Variants in TMEM117 observed in about 807,000 individuals in gnomAD.
The protein encoded by TMEM117 is transmembrane protein 117.
A neutral mutation model predicts 52.4 loss-of-function variants in TMEM117; 27 were observed. That is an observed-to-expected ratio of 0.51 (90% CI 0.38 to 0.71). TMEM117 has a LOEUF of 0.71. Ranked by LOEUF, TMEM117 falls within the 30% of genes least tolerant of loss-of-function variation. TMEM117 has a pLI of 0.00. For missense variants in TMEM117, 556 were observed against 630.5 expected, an observed-to-expected ratio of 0.88 and a Z score of 1.26; for synonymous variants, 215 against 206.3, an observed-to-expected ratio of 1.04 and a Z score of -0.36.
chr12:43,906,778 C>T (rs1320420316), intron 2 of TMEM117, among the ~76,000 whole-genome samples: 2 of 152,270 alleles, frequency 1.3e-5, no homozygotes, highest in African/African-American at 2.4e-5. Context: ...GAATACTGCA[C>T]TTTTCCGACA....
intron 3 of TMEM117, among the ~76,000 whole-genome samples, chr12:43,993,567 G>T (rs1249787745): frequency 1.3e-5 from 2 of 152,080 alleles, no homozygotes; most frequent in Non-Finnish European, 2.9e-5. Flanking sequence ...ATGGAGGGGG[G>T]TGGAAGATAT....
intron 3 of TMEM117, among the ~76,000 whole-genome samples, chr12:44,048,005 G>A (rs1328185805): frequency 6.6e-6 from 1 of 152,028 alleles, no homozygotes; most frequent in Non-Finnish European, 1.5e-5. Flanking sequence ...ACCTGGGCCT[G>A]AAATATTTTG....
chr12:44,098,159 T>A (rs1291459012), intron 3 of TMEM117, among the ~76,000 whole-genome samples: 3 of 152,076 alleles, frequency 2.0e-5, no homozygotes, highest in Non-Finnish European at 4.4e-5. Flanking sequence ...GTTGAATTCA[T>A]TCAGCCAAAC....
chr12:44,169,254 TA>T lies in TMEM117; in HGVS notation c.510+25632del, dbSNP rs199786562. On this transcript the variant is annotated intron_variant, in intron 4 of 7. Transcript: ENST00000266534. ...CTGGATCATATGGTAATTCTATGTT[TA>T]ATTTTTTGAGGAACTGCCATTTTGT... Among the ~76,000 whole-genome samples, 773 of 152,340 alleles carry T rather than the reference TA, an allele frequency of 5.1e-3. 6 individuals carry two copies. The highest frequency in any genetic ancestry group is 0.018 in the African/African-American group (732 of 41,574).
rs543213649 is a variant in TMEM117, at chr12:43,842,017, A to G, written c.-28-2607A>G. On this transcript the variant is annotated intron_variant, in intron 1 of 7. Coordinates refer to ENST00000266534, the MANE Select transcript of TMEM117 (RefSeq NM_032256.3). ...ACTCCTTTCTAGTTCTGATGGGCATATGGGAACTATTTCTTTTTCATGACT... is the reference window on the plus strand; with the variant it reads ...ACTCCTTTCTAGTTCTGATGGGCATGTGGGAACTATTTCTTTTTCATGACT... 4.6e-5 allele frequency among the ~76,000 whole-genome samples: 7 copies of G among 152,272 alleles called. No homozygotes were observed. In the South Asian group the frequency reaches 1.0e-3, roughly 23 times the overall value.
At chr12:43,821,880 C>A in the TMEM117 span, among the ~76,000 whole-genome samples, 11 of 152,168 alleles carry the variant, frequency 7.2e-5, no homozygotes, top group Non-Finnish European at 1.6e-4. Flanking sequence ...GTTTTTAAAG[C>A]ATTTTTAAAA....
intron 1 of TMEM117, among the ~76,000 whole-genome samples, chr12:43,837,732 T>C (rs932368860): frequency 6.6e-6 from 1 of 152,234 alleles, no homozygotes; most frequent in Non-Finnish European, 1.5e-5. Context: ...AATTTTATAA[T>C]GTGCTCCGGC....
At chr12:44,369,995 A>G (rs987768189) in intron 6 of TMEM117, among the ~76,000 whole-genome samples, 3 of 152,310 alleles carry the variant, frequency 2.0e-5, no homozygotes, top group African/African-American at 4.8e-5. Context: ...TCATCCTTCA[A>G]ATTTATGGCA....
chr12:44,309,738 G>A (rs988710531), intron 6 of TMEM117, among the ~76,000 whole-genome samples: 2 of 149,112 alleles, frequency 1.3e-5, no homozygotes, highest in African/African-American at 5.0e-5. Flanking sequence ...AATTTCCTAA[G>A]GCACACAGAT....
chr12:44,336,065 A>C (rs1951336862), intron 6 of TMEM117, among the ~76,000 whole-genome samples: 1 of 152,092 alleles, frequency 6.6e-6, no homozygotes. Flanking sequence ...GAGTGCAGCT[A>C]TTTGATTCAT....
At chr12:43,939,983 C>G (rs1289394830) in intron 2 of TMEM117, among the ~76,000 whole-genome samples, 5 of 152,158 alleles carry the variant, frequency 3.3e-5, no homozygotes, top group African/African-American at 1.2e-4. Context: ...GAGACTTATT[C>G]ACTACCACAA....
chr12:44,299,803 G>T, intron 6 of TMEM117, 64 bp downstream of exon 6: 1 of 1,569,878 alleles, frequency 6.4e-7, no homozygotes, highest in Non-Finnish European at 8.7e-7. Flanking sequence ...TAACAAACAG[G>T]ATATGGCAAC....
chr12:44,364,647 G>C (rs774637748), intron 6 of TMEM117, among the ~76,000 whole-genome samples: 1 of 151,986 alleles, frequency 6.6e-6, no homozygotes, highest in East Asian at 1.9e-4. Context: ...TAAGTGAAGG[G>C]CTTCTTGTAA....
chr12:44,080,974 T>G (rs1029395025), intron 3 of TMEM117, among the ~76,000 whole-genome samples: 1 of 151,124 alleles, frequency 6.6e-6, no homozygotes, highest in Non-Finnish European at 1.5e-5. Flanking sequence ...CTGATTTTGA[T>G]ACAAGATTGC....
chr12:44,282,119 T>C (rs184232057), intron 5 of TMEM117, among the ~76,000 whole-genome samples: 13 of 152,292 alleles, frequency 8.5e-5, no homozygotes, highest in African/African-American at 2.4e-4. Context: ...TTTTCTCTTG[T>C]TGCCACCATG....
intron 2 of TMEM117, among the ~76,000 whole-genome samples, chr12:43,867,825 GTAGA>G (rs1478771464): frequency 8.5e-5 from 13 of 152,096 alleles, no homozygotes; most frequent in Admixed American, 7.9e-4. Flanking sequence ...ATAATCGTAG[GTAGA>G]TAATTTATTG....
At chr12:44,214,422 G>T (rs1949689790) in intron 5 of TMEM117, among the ~76,000 whole-genome samples, 1 of 151,788 alleles carries the variant, frequency 6.6e-6, no homozygotes, top group Non-Finnish European at 1.5e-5. Context: ...CCCACCTTGG[G>T]CTCCCAAAGC....
At chr12:44,054,128 G>A (rs1947015384) in intron 3 of TMEM117, among the ~76,000 whole-genome samples, 1 of 152,162 alleles carries the variant, frequency 6.6e-6, no homozygotes, top group African/African-American at 2.4e-5. Flanking sequence ...TGCCGTTAGT[G>A]AACCAATTTA....
rs1214852606 is a variant in TMEM117, at chr12:44,173,243, T to C, written c.510+29619T>C. 2.6e-5 allele frequency among the ~76,000 whole-genome samples: 4 copies of C among 152,144 alleles called. No homozygotes were observed. In the East Asian group the frequency reaches 7.7e-4, roughly 29 times the overall value. Reference sequence around the variant, plus strand: ...GGTGTGTGCCAGCATGCCTGGCTAATTTTTTGTATTTTTAGTAGAGACAAG... The same window carrying C: ...GGTGTGTGCCAGCATGCCTGGCTAACTTTTTGTATTTTTAGTAGAGACAAG... On this transcript the variant is annotated intron_variant, in intron 4 of 7. Coordinates refer to ENST00000266534, the MANE Select transcript of TMEM117 (RefSeq NM_032256.3).
Sources: allele counts gnomAD v4.1 joint callset (sites outside exome capture counted in the v4.1 genomes callset), GRCh38; gene constraint gnomAD v4.1.1; transcripts MANE v1.5; gene names NCBI Gene and HGNC (gene_info 2026-07-23, HGNC 2026-07-21).